Variants in ASIC2 observed in about 807,000 individuals in gnomAD.
ASIC2 encodes the protein acid-sensing ion channel 2.
ASIC2 carries 25 observed loss-of-function variants against 57.3 expected under a neutral mutation model. That is an observed-to-expected ratio of 0.44 (90% CI 0.32 to 0.61). The LOEUF (loss-of-function observed/expected upper bound fraction) is 0.61. ASIC2 is among the 20% of genes least tolerant of loss of function. ASIC2 has a pLI of 0.06. For synonymous variants in ASIC2, 319 were observed against 307.5 expected (o/e 1.04, Z -0.39); for missense variants, 641 against 738.1 (o/e 0.87, Z 1.52).
At chr17:33,576,593 T>C (rs113628296) in intron 1 of ASIC2, among the ~76,000 whole-genome samples, 1,750 of 152,244 alleles carry the variant, frequency 0.011, 33 homozygotes, top group African/African-American at 0.04. Context: ...TGTCCTCCAA[T>C]GGAAAGTGGG....
chr17:33,766,845 A>G (rs1910950181), intron 1 of ASIC2, among the ~76,000 whole-genome samples: 2 of 152,334 alleles, frequency 1.3e-5, no homozygotes, highest in South Asian at 2.1e-4. Flanking sequence ...CCAAAAGCCC[A>G]TTCCTCTCAA....
At chr17:33,889,744 C>T (rs1384374833) in intron 1 of ASIC2, among the ~76,000 whole-genome samples, 3 of 152,184 alleles carry the variant, frequency 2.0e-5, no homozygotes, top group African/African-American at 7.2e-5. Context: ...CACTCCAGTG[C>T]AGATGCAAAG....
intron 1 of ASIC2, among the ~76,000 whole-genome samples, chr17:33,184,459 G>T (rs1056626339): frequency 6.6e-6 from 1 of 152,092 alleles, no homozygotes; most frequent in Admixed American, 6.6e-5. Context: ...CATTTAAAAC[G>T]GAACTTTCTC....
intron 1 of ASIC2, among the ~76,000 whole-genome samples, chr17:33,378,923 TG>T (rs758532406): frequency 2.0e-5 from 3 of 152,218 alleles, no homozygotes; most frequent in African/African-American, 4.8e-5. Flanking sequence ...GTGAGTGACC[TG>T]GGGCAAGTGA....
At chr17:33,234,685 C>T (rs2142112083) in intron 1 of ASIC2, among the ~76,000 whole-genome samples, 1 of 152,304 alleles carries the variant, frequency 6.6e-6, no homozygotes, top group South Asian at 2.1e-4. Flanking sequence ...GGACTGCTTC[C>T]CATTTCCTAA....
intron 1 of ASIC2, among the ~76,000 whole-genome samples, chr17:33,121,630 C>T (rs1396859934): frequency 6.6e-6 from 1 of 152,178 alleles, no homozygotes; most frequent in Non-Finnish European, 1.5e-5. Flanking sequence ...CCTATCTGCT[C>T]ATCATTCCAG....
At chr17:34,041,482 C>A (rs1908130254) in intron 1 of ASIC2, 1 of 152,150 alleles carries the variant, frequency 6.6e-6, no homozygotes, top group Admixed American at 6.5e-5. Flanking sequence ...ACTTTGACAT[C>A]AAACTTGTTA....
At chr17:34,135,303 A>G (rs1431701074) in intron 1 of ASIC2, among the ~76,000 whole-genome samples, 1 of 152,266 alleles carries the variant, frequency 6.6e-6, no homozygotes, top group African/African-American at 2.4e-5. Flanking sequence ...GAAAGCAGGA[A>G]CATGGCATAG....
intron 1 of ASIC2, among the ~76,000 whole-genome samples, chr17:33,432,917 G>T (rs572182098): frequency 6.6e-6 from 1 of 152,214 alleles, no homozygotes; most frequent in Non-Finnish European, 1.5e-5. Context: ...TGTTGGCAAG[G>T]TTGCAGAGAC....
chr17:34,086,425 C>G (rs1470932676), intron 1 of ASIC2, among the ~76,000 whole-genome samples: 1 of 152,040 alleles, frequency 6.6e-6, no homozygotes, highest in Non-Finnish European at 1.5e-5. Context: ...AATTTCTGTT[C>G]TTTTACATTT....
At chr17:33,247,012 A>G (rs934277195) in intron 1 of ASIC2, among the ~76,000 whole-genome samples, 1 of 152,250 alleles carries the variant, frequency 6.6e-6, no homozygotes, top group Non-Finnish European at 1.5e-5. Flanking sequence ...AAATACAAAA[A>G]GAAAAGGGCA....
At chr17:33,104,573 G>T (rs1016542669) in intron 2 of ASIC2, among the ~76,000 whole-genome samples, 1 of 152,194 alleles carries the variant, frequency 6.6e-6, no homozygotes, top group Non-Finnish European at 1.5e-5. Flanking sequence ...TGTTGCTTTT[G>T]TCTGTTTTCT....
intron 1 of ASIC2, among the ~76,000 whole-genome samples, chr17:33,216,484 T>C (rs1489914885): frequency 6.6e-6 from 1 of 152,118 alleles, no homozygotes; most frequent in African/African-American, 2.4e-5. Context: ...TGAAGCGGAC[T>C]TAGAAGATAA....
At chr17:33,750,816 C>T (rs1215347744) in intron 1 of ASIC2, among the ~76,000 whole-genome samples, 27 of 152,136 alleles carry the variant, frequency 1.8e-4, no homozygotes, top group Non-Finnish European at 1.5e-5. Flanking sequence ...TTACACCCAA[C>T]CAGAAGCTTA....
chr17:33,038,890 T>TTCG (rs61316166), intron 3 of ASIC2, among the ~76,000 whole-genome samples: 1 of 151,582 alleles, frequency 6.6e-6, no homozygotes, highest in Admixed American at 6.6e-5. Flanking sequence ...GCCCAAGGCC[T>TTCG]CCGCAGCCCT....
chr17:33,365,020 C>T (rs1018360405), intron 1 of ASIC2, among the ~76,000 whole-genome samples: 9 of 152,320 alleles, frequency 5.9e-5, no homozygotes, highest in Non-Finnish European at 5.9e-5. Context: ...CAATATCAAG[C>T]TCTTTAGCAC....
At chr17:33,832,986 T>C (rs144277676) in intron 1 of ASIC2, among the ~76,000 whole-genome samples, 9 of 152,294 alleles carry the variant, frequency 5.9e-5, no homozygotes, top group African/African-American at 2.2e-4. Flanking sequence ...TAGATAAAAT[T>C]AACAAGATAT....
intron 1 of ASIC2, among the ~76,000 whole-genome samples, chr17:33,458,336 C>G (rs1046254574): frequency 1.3e-5 from 2 of 152,136 alleles, no homozygotes; most frequent in Non-Finnish European, 2.9e-5. Context: ...GGCTAGGGAG[C>G]CTCATACTAC....
chr17:33,154,876 A>T (rs1163377908), intron 1 of ASIC2, among the ~76,000 whole-genome samples: 1 of 152,170 alleles, frequency 6.6e-6, no homozygotes, highest in Non-Finnish European at 1.5e-5. Context: ...ATTTCCTAAC[A>T]GGTGGTTTGT....
Sources: allele counts gnomAD v4.1 joint callset (sites outside exome capture counted in the v4.1 genomes callset), GRCh38; gene constraint gnomAD v4.1.1; transcripts MANE v1.5; gene names NCBI Gene and HGNC (gene_info 2026-07-23, HGNC 2026-07-21).